Variants in NDST4 observed in about 807,000 individuals in gnomAD.
The protein encoded by NDST4 is N-deacetylase and N-sulfotransferase 4.
Under a neutral mutation model 100.8 loss-of-function variants are expected in NDST4, and 63 were observed. The observed-to-expected ratio is 0.62, with a 90% CI of 0.51 to 0.77. The LOEUF (loss-of-function observed/expected upper bound fraction) is 0.77. Among genes scored for constraint, NDST4 ranks in the 30% least tolerant of loss-of-function variants. NDST4 has a pLI of 0.00. For missense variants in NDST4, 943 were observed against 1,018.4 expected (o/e 0.93, Z 1.01); for synonymous variants, 377 against 361.8 (o/e 1.04, Z -0.48).
In NDST4 at chr4:115,071,276, T is replaced by TCACA. The variant is rs70964340; in HGVS notation, c.978+4779_978+4782dup. ...ATTTGGTTCAAATGAAAGTATGCCT[T>TCACA]CACACACACACACACACACACACAC... On this transcript the variant is annotated intron_variant, in intron 2 of 13. Transcript: ENST00000264363. Among the ~76,000 whole-genome samples the TCACA allele has an allele frequency of 7.9e-3, 1,095 of 138,252 alleles. 11 individuals are homozygous for TCACA. The highest frequency in any genetic ancestry group is 0.017 in the African/African-American group (651 of 37,250). 90.7% of individuals were successfully genotyped at this position (138,252 alleles called of 152,430 possible). A position where few individuals can be genotyped will look rare whatever the true frequency, so the allele number is the denominator to read the frequency against.
At chr4:115,075,514 C>T (rs1729159294) in intron 2 of NDST4, among the ~76,000 whole-genome samples, 1 of 152,120 alleles carries the variant, frequency 6.6e-6, no homozygotes, top group Non-Finnish European at 1.5e-5. Context: ...AGGCCGGGTG[C>T]AGTGGCTCAC....
intron 2 of NDST4, among the ~76,000 whole-genome samples, chr4:114,991,675 C>T (rs761958553): frequency 1.3e-4 from 20 of 151,896 alleles, no homozygotes; most frequent in Non-Finnish European, 2.7e-4. Flanking sequence ...ATAATATGAA[C>T]AACTTGTTAC....
intron 6 of NDST4, among the ~76,000 whole-genome samples, chr4:114,893,863 T>C (rs906956333): frequency 6.6e-6 from 1 of 152,132 alleles, no homozygotes; most frequent in Non-Finnish European, 1.5e-5. Flanking sequence ...TAGGGTTTTA[T>C]GATTTTGGGT....
intron 2 of NDST4, among the ~76,000 whole-genome samples, chr4:115,026,452 CACAT>C (rs906060545): frequency 2.0e-5 from 3 of 151,138 alleles, no homozygotes; most frequent in African/African-American, 4.9e-5. Flanking sequence ...CACACACACA[CACAT>C]ATACACATAC....
chr4:114,865,944 C>A (rs1724017403), intron 7 of NDST4, among the ~76,000 whole-genome samples: 1 of 151,978 alleles, frequency 6.6e-6, no homozygotes, highest in Non-Finnish European at 1.5e-5. Flanking sequence ...AACATACTAT[C>A]GCTAAGTTAG....
Position 114,952,273 on chromosome 4 carries a change from T to C in NDST4, c.1222-14770A>G, listed in dbSNP as rs80263869. Among the ~76,000 whole-genome samples, 1,259 of 152,286 alleles carry C rather than the reference T, an allele frequency of 8.3e-3. 21 individuals carry two copies. Among genetic ancestry groups the C allele is most frequent in the African/African-American group, 0.029 (1,206 of 41,572 alleles). On this transcript the variant is annotated intron_variant, in intron 4 of 13. Coordinates refer to ENST00000264363, the MANE Select transcript of NDST4 (RefSeq NM_022569.3). ...TCATTTTTCAATTATTGCTGCTTGATACTGAAGTGTATTTTGTAGGGGGCA... is the reference window on the plus strand; with the variant it reads ...TCATTTTTCAATTATTGCTGCTTGACACTGAAGTGTATTTTGTAGGGGGCA...
chr4:114,865,425 G>T (rs1724007438), intron 7 of NDST4, among the ~76,000 whole-genome samples: 1 of 152,052 alleles, frequency 6.6e-6, no homozygotes, highest in Admixed American at 6.6e-5. Context: ...TATTATTTGT[G>T]TTTTAATGAA....
chr4:114,985,568 C>T (rs918814946), intron 2 of NDST4, among the ~76,000 whole-genome samples: 2 of 152,098 alleles, frequency 1.3e-5, no homozygotes, highest in Middle Eastern at 3.2e-3. Flanking sequence ...CACGGAGAGG[C>T]TACATAAATT....
intron 6 of NDST4, among the ~76,000 whole-genome samples, chr4:114,873,894 C>T (rs560332768): frequency 6.6e-6 from 1 of 152,140 alleles, no homozygotes; most frequent in Non-Finnish European, 1.5e-5. Flanking sequence ...CACCTGCCTT[C>T]TTAGCGTTGT....
intron 1 of NDST4, among the ~76,000 whole-genome samples, chr4:115,090,732 G>A (rs955538080): frequency 6.6e-6 from 1 of 151,972 alleles, no homozygotes; most frequent in Non-Finnish European, 1.5e-5. Flanking sequence ...AACAGCACCT[G>A]TTCTCCATTG....
intron 2 of NDST4, among the ~76,000 whole-genome samples, chr4:114,994,159 A>C (rs1489801524): frequency 6.6e-6 from 1 of 152,024 alleles, no homozygotes; most frequent in African/African-American, 2.4e-5. Context: ...GATCTTAGCA[A>C]GAAAAAAATA....
At chr4:114,857,415 T>A (rs531408876) in intron 7 of NDST4, among the ~76,000 whole-genome samples, 1 of 152,254 alleles carries the variant, frequency 6.6e-6, no homozygotes, top group South Asian at 2.1e-4. Flanking sequence ...GGGATCAGTG[T>A]CAGGCTGATC....
At chr4:114,935,652 A>C (rs1257999313) in intron 5 of NDST4, among the ~76,000 whole-genome samples, 2 of 152,190 alleles carry the variant, frequency 1.3e-5, no homozygotes, top group Non-Finnish European at 2.9e-5. Flanking sequence ...AAAGATGGAA[A>C]TTCTCCAAGG....
chr4:114,995,581 G>A lies in NDST4; in HGVS notation c.979-18307C>T, dbSNP rs556061602. Among the ~76,000 whole-genome samples the A allele has an allele frequency of 7.2e-5, 11 of 152,058 alleles. No homozygotes were observed. The South Asian group carries it at 1.2e-3, about 17-fold the overall frequency. Reference sequence around the variant, plus strand: ...GTACTCCATTCAGACCATCAAATATGGTTACAGACTAAATGATGTTAAACA... The same window carrying A: ...GTACTCCATTCAGACCATCAAATATAGTTACAGACTAAATGATGTTAAACA... On this transcript the variant is annotated intron_variant, in intron 2 of 13. Transcript: ENST00000264363.
At chr4:114,986,549 C>A (rs113929165) in intron 2 of NDST4, among the ~76,000 whole-genome samples, 1 of 151,814 alleles carries the variant, frequency 6.6e-6, no homozygotes, top group Non-Finnish European at 1.5e-5. Flanking sequence ...TCTTATAAGT[C>A]CTAATCTCTC....
At chr4:114,935,750 C>T (rs1560820363) in intron 5 of NDST4, among the ~76,000 whole-genome samples, 2 of 152,102 alleles carry the variant, frequency 1.3e-5, no homozygotes, top group Non-Finnish European at 2.9e-5. Context: ...CTGGGATTTA[C>T]CACAATTGGT....
At chr4:114,855,117 T>A (rs561928269) in intron 7 of NDST4, among the ~76,000 whole-genome samples, 36 of 152,320 alleles carry the variant, frequency 2.4e-4, no homozygotes, top group Non-Finnish European at 4.9e-4. Context: ...TGCCCATTTT[T>A]AAATCAGATT....
At chr4:114,951,830 C>A (rs1725995481) in intron 4 of NDST4, among the ~76,000 whole-genome samples, 2 of 152,008 alleles carry the variant, frequency 1.3e-5, no homozygotes, top group African/African-American at 2.4e-5. Flanking sequence ...CAGGGAGGAG[C>A]CTTTATGTAT....
At chr4:114,918,564 A>T (rs1441552343) in intron 6 of NDST4, among the ~76,000 whole-genome samples, 1 of 151,642 alleles carries the variant, frequency 6.6e-6, no homozygotes, top group Non-Finnish European at 1.5e-5. Flanking sequence ...AATAAATAAA[A>T]AAAAAATAAA....
Sources: gnomAD v4.1 joint callset for allele counts (sites outside exome capture counted in the v4.1 genomes callset) on GRCh38, gnomAD v4.1.1 for gene constraint, MANE v1.5 for transcripts, NCBI Gene and HGNC (gene_info 2026-07-23, HGNC 2026-07-21) for gene names.